Variants in RPS6KL1 observed in about 807,000 individuals in gnomAD.
RPS6KL1 encodes the protein ribosomal protein S6 kinase-like 1.
Under a neutral mutation model 57.0 loss-of-function variants are expected in RPS6KL1, and 41 were observed. The ratio of observed to expected loss-of-function variants is 0.72; its 90% CI spans 0.56 to 0.93. RPS6KL1 has a LOEUF of 0.93. Among genes scored for constraint, RPS6KL1 ranks in the 40% least tolerant of loss-of-function variants. The pLI is 0.00. For synonymous variants in RPS6KL1, 287 were observed against 309.7 expected (o/e 0.93, Z 0.77); for missense variants, 697 against 727.7 (o/e 0.96, Z 0.49).
rs1432790651 is a variant in RPS6KL1 at position 74,905,755 on chromosome 14, C to T, written c.*1259G>A. The T allele has an allele frequency of 2.0e-5, 3 of 152,356 alleles. No homozygotes were observed. The highest frequency in any genetic ancestry group is 2.9e-5 in the Non-Finnish European group (2 of 68,186). 9.4% of individuals were successfully genotyped at this position (152,356 alleles called of 1,614,324 possible). Reference sequence around the variant, plus strand: ...TCACTTGTCTTCTCTGTCTCAGTCTCCTGAAGAGCCCGAGGAAGTCAAGTC... The same window carrying T: ...TCACTTGTCTTCTCTGTCTCAGTCTTCTGAAGAGCCCGAGGAAGTCAAGTC... On this transcript the variant is annotated 3_prime_UTR_variant, in exon 12 of 12. Coordinates refer to ENST00000557413, the MANE Select transcript of RPS6KL1 (RefSeq NM_031464.5).
chr14:74,914,490 C>A (rs921081332), intron 5 of RPS6KL1, among the ~76,000 whole-genome samples: 3 of 152,196 alleles, frequency 2.0e-5, no homozygotes, highest in African/African-American at 7.2e-5. Flanking sequence ...ATATTAAAAC[C>A]AACCTCAGTA....
chr14:74,921,403 G>GT lies in RPS6KL1; in HGVS notation c.138dup (p.Arg47ThrfsTer2), dbSNP rs776653033. ...GTGGCCGCATCCACCAGATAGTCAC[G>GT]TTTTGTCATGTCAGGCACTCCCAGA... On this transcript the variant is annotated frameshift_variant, in exon 3 of 12. Transcript: ENST00000557413. LOFTEE classifies it high-confidence loss of function. 6.2e-7 allele frequency: 1 copy of GT among 1,614,284 alleles called. No homozygotes were observed. Among genetic ancestry groups the GT allele is most frequent in the South Asian group, 1.1e-5 (1 of 91,092 alleles).
intron 5 of RPS6KL1, among the ~76,000 whole-genome samples, chr14:74,914,068 T>C (rs1277368910): frequency 6.6e-6 from 1 of 152,214 alleles, no homozygotes; most frequent in East Asian, 1.9e-4. Flanking sequence ...GCAATGGCCT[T>C]CCCTCCTGAG....
chr14:74,908,496 G>C (rs1885297991), intron 10 of RPS6KL1, among the ~76,000 whole-genome samples: 3 of 152,138 alleles, frequency 2.0e-5, no homozygotes, highest in Non-Finnish European at 4.4e-5. Context: ...AGCCAACGAG[G>C]TCATGGGTGG....
In RPS6KL1 at chr14:74,908,951, A is replaced by G. The variant is rs779628322; in HGVS notation, c.1361-19T>C. ...CCCACCTCTGTGGGAACAAGAACAC[A>G]GGTGTCCCAGCCTCACCTAAGAGGG... On this transcript the variant is annotated intron_variant, in intron 9 of 11. Transcript: ENST00000557413. The G allele has an allele frequency of 1.2e-6, 2 of 1,609,272 alleles. No homozygotes were observed. Among genetic ancestry groups the G allele is most frequent in the Non-Finnish European group, 1.7e-6 (2 of 1,176,584 alleles).
intron 11 of RPS6KL1, 91 bp from the exon 12 acceptor site, chr14:74,907,215 G>A: frequency 2.9e-6 from 4 of 1,365,554 alleles, no homozygotes; most frequent in Non-Finnish European, 4.0e-6. Context: ...CCTCTAGGGG[G>A]CCTGCTCCCT....
In RPS6KL1 at chr14:74,907,576, C is replaced by T. The variant is rs1005179754; in HGVS notation, c.1444-46G>A. ...GCCTCTGAGGAGGCAACCCCAGGAC[C>T]GTCTACACTCCAGTGGCAGCCAGGA... On this transcript the variant is annotated intron_variant, in intron 10 of 11. Transcript: ENST00000557413. 2.8e-5 allele frequency: 43 copies of T among 1,514,644 alleles called. No homozygotes were observed. The African/African-American group carries it at 4.3e-4, about 15-fold the overall frequency. The allele number at this position is 1,514,644 out of a possible 1,614,324, so 93.8% of individuals were successfully genotyped here.
rs190445043 is a variant in RPS6KL1, at chr14:74,907,582, C to T, written c.1444-52G>A. ...GAGGAGGCAACCCCAGGACCGTCTA[C>T]ACTCCAGTGGCAGCCAGGATTTTTT... is the stretch of plus-strand genomic sequence containing the variant. On this transcript the variant is annotated intron_variant, in intron 10 of 11. Transcript: ENST00000557413. The T allele has an allele frequency of 4.2e-3, 6,401 of 1,507,970 alleles. 19 individuals are homozygous for T. The highest frequency in any genetic ancestry group is 9.1e-3 in the Middle Eastern group (53 of 5,844). 93.4% of individuals were successfully genotyped at this position (1,507,970 alleles called of 1,614,324 possible).
rs1483634472 is a variant in RPS6KL1, at chr14:74,909,178, A to C, written c.1283T>G (p.Leu428Arg). 1.2e-6 allele frequency: 2 copies of C among 1,614,020 alleles called. No homozygotes were observed. Among genetic ancestry groups the C allele is most frequent in the African/African-American group, 2.7e-5 (2 of 74,934 alleles). The change falls in exon 9 of 12, where the codon CTC becomes CGC. Residue 428 changes from leucine (L) to arginine (R), a missense_variant. Leu to Arg is a moderately radical substitution (Grantham distance 102). Transcript: ENST00000557413. ...CTCTGACCACTGGCCAAAATATGTGAGCCGGATGTGACCTCCAGTGTGTGG... is the reference window on the plus strand; with the variant it reads ...CTCTGACCACTGGCCAAAATATGTGCGCCGGATGTGACCTCCAGTGTGTGG... ...LLLDQAGHIR[L>R]TYFGQWSEVE...
At position 74,910,068 on chromosome 14, in the gene RPS6KL1, T is replaced by C. The variant is rs201160521; in HGVS notation, c.745A>G (p.Met249Val). 1.9e-6 allele frequency: 3 copies of C among 1,610,066 alleles called. No homozygotes were observed. Among genetic ancestry groups the C allele is most frequent in the Non-Finnish European group, 2.5e-6 (3 of 1,178,752 alleles). Reference sequence around the variant, plus strand: ...AGGTGGGGGTTGAGCTGAGCCTTCATCCTCTCCTGGGTAGAGCCAGAGCTG... The same window carrying C: ...AGGTGGGGGTTGAGCTGAGCCTTCACCCTCTCCTGGGTAGAGCCAGAGCTG... ...GLSSGSTQERMKAQLNPHLNL... is the reference protein window; with the variant it reads ...GLSSGSTQERVKAQLNPHLNL... The change falls in exon 8 of 12, where the codon ATG (methionine) becomes GTG (valine). Residue 249 changes from methionine (M) to valine (V), a missense_variant. Coordinates refer to ENST00000557413, the MANE Select transcript of RPS6KL1 (RefSeq NM_031464.5).
rs373705917 is a variant in RPS6KL1, at chr14:74,919,835, G to GT, written c.390+9dup. The GT allele has an allele frequency of 1.2e-6, 2 of 1,610,068 alleles. No homozygotes were observed. Among genetic ancestry groups the GT allele is most frequent in the South Asian group, 1.1e-5 (1 of 90,930 alleles). ...CCGCTCAGGCCTTTGGGTGGGGGGG[G>GT]TCTCCTCACCGCGCTGGGGCTGGCT... On this transcript the variant is annotated intron_variant, in intron 4 of 11. Transcript: ENST00000557413.
Position 74,904,553 on chromosome 14 carries a change from C to G in RPS6KL1, c.*2461G>C, listed in dbSNP as rs1410508637. ...TTTTTGTTTTGTTTCCATAAAGCAT[C>G]ATAGTCTCTTAGTGCCCCACCTTCC... On this transcript the variant is annotated 3_prime_UTR_variant, in exon 12 of 12. Transcript: ENST00000557413. 6.6e-6 allele frequency: 1 copy of G among 152,128 alleles called. No homozygotes were observed. Among genetic ancestry groups the G allele is most frequent in the Non-Finnish European group, 1.5e-5 (1 of 68,034 alleles). The allele number at this position is 152,128 out of a possible 1,614,324, so 9.4% of individuals were successfully genotyped here.
chr14:74,921,210 G>A (rs1228119032), intron 3 of RPS6KL1, 67 bp downstream of exon 3: 2 of 1,393,956 alleles, frequency 1.4e-6, no homozygotes, highest in Non-Finnish European at 2.0e-6. Flanking sequence ...AGACAGATGG[G>A]TGACAGGAAG....
intron 5 of RPS6KL1, among the ~76,000 whole-genome samples, chr14:74,917,726 A>T (rs910423748): frequency 2.0e-5 from 3 of 151,866 alleles, no homozygotes; most frequent in African/African-American, 7.3e-5. Context: ...TAGCATTGGG[A>T]CAGGGTAAAG....
In RPS6KL1 at chr14:74,904,851, C is replaced by G. The variant is rs1884513146; in HGVS notation, c.*2163G>C. On this transcript the variant is annotated 3_prime_UTR_variant, in exon 12 of 12. Transcript: ENST00000557413. ...GTACAGGGTGGGTAGCTAACCTAGA[C>G]TGCAGGTGGCAGGTGTGATGGAGTC... The G allele has an allele frequency of 6.6e-6, 1 of 152,274 alleles. No homozygotes were observed. Among genetic ancestry groups the G allele is most frequent in the Non-Finnish European group, 1.5e-5 (1 of 68,092 alleles). 9.4% of individuals were successfully genotyped at this position (152,274 alleles called of 1,614,324 possible).
intron 3 of RPS6KL1, 30 bp downstream of exon 3, chr14:74,921,246 CA>C: frequency 9.5e-5 from 90 of 948,232 alleles, no homozygotes; most frequent in Non-Finnish European, 1.4e-4. Flanking sequence ...CTTCCCCACC[CA>C]CCCCAGCCCT....
Position 74,911,243 on chromosome 14 carries a change from C to G in RPS6KL1, c.664+5G>C, listed in dbSNP as rs776846499. The G allele has an allele frequency of 3.7e-6, 6 of 1,611,204 alleles. No homozygotes were observed. In the African/African-American group the frequency reaches 6.7e-5, roughly 18 times the overall value. On this transcript the variant is annotated splice_donor_5th_base_variant and intron_variant, in intron 7 of 11. Coordinates refer to ENST00000557413, the MANE Select transcript of RPS6KL1 (RefSeq NM_031464.5). ...GAGCTGACAGGGGGCCCCAGGCCTGCTCACCTTGCACATGCTCCAGGTGCA... is the reference window on the plus strand; with the variant it reads ...GAGCTGACAGGGGGCCCCAGGCCTGGTCACCTTGCACATGCTCCAGGTGCA...
At chr14:74,919,107 G>A (rs1406480074) in intron 4 of RPS6KL1, among the ~76,000 whole-genome samples, 4 of 152,292 alleles carry the variant, frequency 2.6e-5, no homozygotes, top group African/African-American at 4.8e-5. Flanking sequence ...CCTGGGAGGC[G>A]GAGGTTGCAG....
chr14:74,918,336 TG>T (rs1305223324), intron 5 of RPS6KL1, among the ~76,000 whole-genome samples, 176 bp downstream of exon 5: 2 of 151,534 alleles, frequency 1.3e-5, no homozygotes, highest in Non-Finnish European at 2.9e-5. Flanking sequence ...GGGGGAGAGG[TG>T]GGAACTGCTG....
Sources: allele counts gnomAD v4.1 joint callset (sites outside exome capture counted in the v4.1 genomes callset), GRCh38; gene constraint gnomAD v4.1.1; transcripts MANE v1.5; gene names NCBI Gene and HGNC (gene_info 2026-07-23, HGNC 2026-07-21).